AKNA: variants seen among roughly 807,000 people sequenced by gnomAD.
The protein encoded by AKNA is microtubule organization protein AKNA.
AKNA carries 67 observed loss-of-function variants against 138.8 expected under a neutral mutation model. The ratio of observed to expected loss-of-function variants is 0.48; its 90% confidence interval spans 0.40 to 0.59. The LOEUF (loss-of-function observed/expected upper bound fraction) is 0.59, where lower values mean the gene tolerates loss of function less well. Ranked by LOEUF, AKNA falls within the 20% of genes least tolerant of loss-of-function variation. The pLI, the probability that AKNA is intolerant of heterozygous loss-of-function variation, is 0.00. For synonymous variants in AKNA, 737 were observed against 754.4 expected (o/e 0.98, Z 0.38); for missense variants, 1,813 against 1,880.4 (o/e 0.96, Z 0.66).
chr9:114,358,010 G>C lies in AKNA; in HGVS notation c.2650C>G (p.Gln884Glu), dbSNP rs754028722. Residue 884 changes from glutamine (Q) to glutamate (E), a missense_variant, in exon 12 of 22, where the codon CAA becomes GAA. Coordinates refer to ENST00000374088, the MANE Select transcript of AKNA (RefSeq NM_001317950.2). ...PPGTKSAASH[Q>E]SSMTSLEGSG... ...CCCTCCAGGCTGGTCATACTACTTT[G>C]GTGGGATGCTGCGGACTTGGTGCCT... 1.1e-5 allele frequency: 17 copies of C among 1,610,104 alleles called. No individual in the cohort carries two copies. The East Asian group carries it at 3.4e-4, about 32-fold the overall frequency.
At position 114,344,009 on chromosome 9, in the gene AKNA, G is replaced by A. The variant is rs568419247; in HGVS notation, c.3662-206C>T. ...GTATGACACACATACACACATATAC[G>A]TCACCGAACATCTTTGTGTCTGTTT... On this transcript the variant is annotated intron_variant, in intron 18 of 21. Transcript: ENST00000374088. 1.0e-4 allele frequency: 52 copies of A among 513,662 alleles called. 1 individual carries two copies. The highest frequency in any genetic ancestry group is 5.6e-4 in the South Asian group (23 of 40,936). 31.8% of individuals were successfully genotyped at this position (513,662 alleles called of 1,614,324 possible).
Position 114,359,833 on chromosome 9 carries a change from G to C in AKNA, c.2292-39C>G, listed in dbSNP as rs748699355. ...CACAGAGGGGCATGACCTCTGCCCA[G>C]TGGGGGACAGCCAAGATCCAGCTGC... On this transcript the variant is annotated intron_variant, in intron 10 of 21. Transcript: ENST00000374088. 25 of 1,612,404 alleles carry C rather than the reference G, an allele frequency of 1.6e-5. No homozygotes were observed. In the African/African-American group the frequency reaches 3.2e-4, roughly 21 times the overall value.
At position 114,365,624 on chromosome 9, in the gene AKNA, A is replaced by AT. The variant is rs559865915; in HGVS notation, c.1729-1006_1729-1005insA. On this transcript the variant is annotated intron_variant, in intron 6 of 21. Coordinates refer to ENST00000374088, the MANE Select transcript of AKNA (RefSeq NM_001317950.2). ...CTATAATGTGAGCTACACCATCTAT[A>AT]ATTTTCTCATAGCCACATTGAGAAT... 2.0e-4 allele frequency among the ~76,000 whole-genome samples: 30 copies of AT among 151,768 alleles called. 2 individuals carry two copies. The East Asian group carries it at 5.8e-3, about 29-fold the overall frequency.
chr9:114,359,623 C>T lies in AKNA; in HGVS notation c.2463G>A (p.Gln821=). The T allele has an allele frequency of 6.2e-7, 1 of 1,609,922 alleles. No homozygotes were observed. The highest frequency in any genetic ancestry group is 8.5e-7 in the Non-Finnish European group (1 of 1,179,886). ...GGGGAGCCCCATGACTTTTCTCAGC[C>T]TGCACCGGGCACTGCCTTGGGAGGA... is the stretch of plus-strand genomic sequence containing the variant. ...TRVLPRQCPV[Q]AEKSHGAPLE... is the part of the protein sequence containing the mutation. Residue 821 remains glutamine (Q), a synonymous_variant, in exon 11 of 22, where the codon CAG becomes CAA. Transcript: ENST00000374088.
At position 114,345,847 on chromosome 9, in the gene AKNA, C is replaced by T; in HGVS notation, c.3661+16G>A. 1 of 1,613,246 alleles carries T rather than the reference C, an allele frequency of 6.2e-7. No individual in the cohort carries two copies. Among genetic ancestry groups the T allele is most frequent in the Non-Finnish European group, 8.5e-7 (1 of 1,179,406 alleles). ...ACCAGGAGCTGCACCCATCCCGGCC[C>T]TCCCTCCTGACCTACCTGTGTATTG... On this transcript the variant is annotated intron_variant, in intron 18 of 21. Transcript: ENST00000374088.
At chr9:114,341,925 C>G in intron 20 of AKNA, 84 bp downstream of exon 20, 3 of 1,402,386 alleles carry the variant, frequency 2.1e-6, no homozygotes, top group Non-Finnish European at 3.0e-6. Flanking sequence ...AACAGCTGCT[C>G]CAGTTAAACT....
At chr9:114,374,539 C>T (rs1446407780) in intron 3 of AKNA, among the ~76,000 whole-genome samples, 3 of 152,184 alleles carry the variant, frequency 2.0e-5, no homozygotes, top group East Asian at 1.9e-4. Flanking sequence ...TCTTTCTTTC[C>T]CCCTGCTGCA....
chr9:114,354,006 T>C (rs1375875916), intron 14 of AKNA, among the ~76,000 whole-genome samples: 1 of 152,214 alleles, frequency 6.6e-6, no homozygotes, highest in Non-Finnish European at 1.5e-5. Context: ...ACAACATTTA[T>C]ACAAAAGTTT....
At chr9:114,390,792 T>G (rs1834304560), upstream of AKNA, among the ~76,000 whole-genome samples, 1 of 152,242 alleles carries the variant, frequency 6.6e-6, no homozygotes, top group African/African-American at 2.4e-5. Flanking sequence ...GACAGATGTG[T>G]CCTGCTCCTC....
chr9:114,332,174 C>T (rs1287184292), downstream of AKNA, among the ~76,000 whole-genome samples: 55 of 150,894 alleles, frequency 3.6e-4, no homozygotes, highest in African/African-American at 1.2e-3. Context: ...GAGGGAACAG[C>T]GTGAGCCACG....
intron 3 of AKNA, among the ~76,000 whole-genome samples, chr9:114,375,084 G>A (rs1194607609): frequency 1.3e-5 from 2 of 152,188 alleles, no homozygotes; most frequent in East Asian, 1.9e-4. Context: ...AGGCACTCAC[G>A]TGCTCTTGCC....
chr9:114,390,725 C>A (rs1834301946), upstream of AKNA, among the ~76,000 whole-genome samples: 1 of 152,228 alleles, frequency 6.6e-6, no homozygotes, highest in Admixed American at 6.5e-5. Flanking sequence ...TCTCCCACCA[C>A]CCTCTCTGCC....
chr9:114,351,201 G>T (rs1265380087), intron 14 of AKNA, among the ~76,000 whole-genome samples, 180 bp from the exon 15 acceptor site: 13 of 152,122 alleles, frequency 8.5e-5, no homozygotes, highest in Admixed American at 7.9e-4. Context: ...TCTAGATTTT[G>T]CTGGGAGTGT....
intron 2 of AKNA, among the ~76,000 whole-genome samples, chr9:114,379,208 C>T (rs1453283716): frequency 6.6e-6 from 1 of 152,188 alleles, no homozygotes; most frequent in African/African-American, 2.4e-5. Flanking sequence ...ATCCTGGCTC[C>T]TATCACCCCT....
At chr9:114,341,908 C>T in intron 20 of AKNA, 101 bp downstream of exon 20, 2 of 1,363,360 alleles carry the variant, frequency 1.5e-6, no homozygotes, top group Non-Finnish European at 2.1e-6. Context: ...CTGTCCCAGA[C>T]TGGAACAACA....
At position 114,381,043 on chromosome 9, in the gene AKNA, A is replaced by AGGGGTGTCAGTCTCACCGTAGGGGGC; in HGVS notation, c.274+16_274+17insGCCCCCTACGGTGAGACTGACACCCC. 6.8e-7 allele frequency: 1 copy of AGGGGTGTCAGTCTCACCGTAGGGGGC among 1,474,554 alleles called. No individual in the cohort carries two copies. 91.3% of individuals were successfully genotyped at this position (1,474,554 alleles called of 1,614,324 possible). On this transcript the variant is annotated intron_variant, in intron 2 of 21. Transcript: ENST00000374088. ...GGGGACAGGACACCACTGTAGGGGG[A>AGGGGTGTCAGTCTCACCGTAGGGGGC]GGGGTGTCAGTCTCACCTTCTCCCG... is the stretch of plus-strand genomic sequence containing the variant.
intron 4 of AKNA, among the ~76,000 whole-genome samples, chr9:114,368,906 T>C (rs1832566442): frequency 6.6e-6 from 1 of 152,166 alleles, no homozygotes; most frequent in African/African-American, 2.4e-5. Context: ...TGGATGAGGA[T>C]CACAACACTG....
chr9:114,346,528 C>T (rs73548999), intron 17 of AKNA, 141 bp downstream of exon 17: 4 of 618,896 alleles, frequency 6.5e-6, no homozygotes, highest in Non-Finnish European at 1.1e-5. Flanking sequence ...CTGTGCTTCA[C>T]AGCACTATAA....
chr9:114,367,323 G>T (rs927479019), intron 6 of AKNA, among the ~76,000 whole-genome samples: 8 of 152,100 alleles, frequency 5.3e-5, no homozygotes. Context: ...TGCCAAAAAG[G>T]GGGGTGAGAC....
Sources: gnomAD v4.1 joint callset for allele counts (sites outside exome capture counted in the v4.1 genomes callset) on GRCh38, gnomAD v4.1.1 for gene constraint, MANE v1.5 for transcripts, NCBI Gene and HGNC (gene_info 2026-07-23, HGNC 2026-07-21) for gene names.